The following NUDT1 variants were observed in gnomAD, a reference collection of about 807,000 sequenced individuals.
NUDT1 encodes nudix hydrolase 1, also known as oxidized purine nucleoside triphosphate hydrolase.
In NUDT1, 16 loss-of-function variants were observed where a neutral mutation model predicts 11.3. The observed-to-expected ratio is 1.41, with a 90% CI of 0.96 to 2.15. The LOEUF is 2.15. Ranked by LOEUF, NUDT1 falls within the 30% of genes most tolerant of loss-of-function variation. The pLI is 0.00. For synonymous variants in NUDT1, 101 were observed against 84.4 expected (o/e 1.20, Z -1.08); for missense variants, 234 against 208.4 (o/e 1.12, Z -0.76).
In NUDT1 at chr7:2,242,271, C is replaced by G; in HGVS notation, c.-13+15C>G. On this transcript the variant is annotated intron_variant, in intron 1 of 3. Transcript: ENST00000356714. Reference sequence around the variant, plus strand: ...CGGCGGTGCAGGTACGAAAAGCGCGCGCGGGGATTCCAGGAGTCGTGGTGA... The same window carrying G: ...CGGCGGTGCAGGTACGAAAAGCGCGGGCGGGGATTCCAGGAGTCGTGGTGA... 8.2e-7 allele frequency: 1 copy of G among 1,214,834 alleles called. No individual in the cohort carries two copies. The allele number at this position is 1,214,834 out of a possible 1,614,324, so 75.3% of individuals were successfully genotyped here.
chr7:2,244,382 C>T, intron 1 of NUDT1, 181 bp from the exon 2 acceptor site: 1 of 572,220 alleles, frequency 1.7e-6, no homozygotes, highest in Non-Finnish European at 3.0e-6. Flanking sequence ...CAGAAAATCA[C>T]TGGTTCAATG....
chr7:2,245,133 G>A (rs905930951), intron 2 of NUDT1, among the ~76,000 whole-genome samples: 4 of 152,090 alleles, frequency 2.6e-5, no homozygotes, highest in Non-Finnish European at 4.4e-5. Flanking sequence ...GCTGATGATC[G>A]CTTTCATCTC....
At chr7:2,245,940 G>T (rs530747869) in intron 2 of NUDT1, among the ~76,000 whole-genome samples, 1 of 151,974 alleles carries the variant, frequency 6.6e-6, no homozygotes, top group African/African-American at 2.4e-5. Flanking sequence ...TCCAAGGCTT[G>T]GGACCCCAGA....
intron 1 of NUDT1, 112 bp from the exon 2 acceptor site, chr7:2,244,451 T>TTGC: frequency 3.2e-5 from 31 of 981,606 alleles, no homozygotes; most frequent in Non-Finnish European, 4.1e-5. Flanking sequence ...AGTTACAGCA[T>TTGC]ACCCCCCCGC....
chr7:2,250,535 G>A lies in NUDT1; in HGVS notation c.299-294G>A, dbSNP rs1334115958. 2.0e-5 allele frequency among the ~76,000 whole-genome samples: 3 copies of A among 152,170 alleles called. No individual in the cohort carries two copies. The South Asian group carries it at 6.2e-4, about 31-fold the overall frequency. On this transcript the variant is annotated intron_variant, in intron 3 of 3. Coordinates refer to ENST00000356714, the MANE Select transcript of NUDT1 (RefSeq NM_002452.4). ...GGCAATGGCGCAATCTCGGCTCACT[G>A]CAAGCTCCACCTCCCAGGTTCACAC...
chr7:2,244,712 G>C lies in NUDT1; in HGVS notation c.138G>C (p.Glu46Asp). 6.2e-7 allele frequency: 1 copy of C among 1,611,266 alleles called. No individual in the cohort carries two copies. The highest frequency in any genetic ancestry group is 8.5e-7 in the Non-Finnish European group (1 of 1,179,078). ...GGKVQEGETI[E>D]DGARRELQEE... is the part of the protein sequence containing the mutation. ...AAGTGCAAGAAGGAGAGACCATCGA[G>C]GATGGGGCTAGGAGGTAAGGATGGG... Residue 46 changes from glutamate (E) to aspartate (D), a missense_variant, in exon 2 of 4, where the codon GAG becomes GAC. By Grantham distance (45) the Glu-to-Asp change is conservative (BLOSUM62 2). Coordinates refer to ENST00000356714, the MANE Select transcript of NUDT1 (RefSeq NM_002452.4).
At chr7:2,250,391 G>C (rs1027455708) in intron 3 of NUDT1, among the ~76,000 whole-genome samples, 1 of 152,158 alleles carries the variant, frequency 6.6e-6, no homozygotes, top group Non-Finnish European at 1.5e-5. Context: ...GTTGAGCCCA[G>C]GAGTTCAAGA....
At chr7:2,250,084 ATC>A in intron 3 of NUDT1, 82 bp downstream of exon 3, 3 of 1,568,412 alleles carry the variant, frequency 1.9e-6, no homozygotes, top group Non-Finnish European at 2.6e-6. Context: ...CGCCCAAACC[ATC>A]TCTGAGTGCC....
rs34727517 is a variant in NUDT1 at position 2,244,744 on chromosome 7, C to A, written c.152+18C>A. 3.9e-5 allele frequency: 62 copies of A among 1,599,660 alleles called. No homozygotes were observed. The highest frequency in any genetic ancestry group is 3.2e-4 in the East Asian group (14 of 44,434). On this transcript the variant is annotated intron_variant, in intron 2 of 3. Coordinates refer to ENST00000356714, the MANE Select transcript of NUDT1 (RefSeq NM_002452.4). The stretch of plus-strand genomic sequence containing the variant: ...GCTAGGAGGTAAGGATGGGGCAGGT[C>A]TGGCCATAGAACCGGCTTTCCCAGG...
intron 3 of NUDT1, 119 bp from the exon 4 acceptor site, chr7:2,250,710 G>A (rs1033369728): frequency 6.7e-5 from 52 of 773,596 alleles, no homozygotes; most frequent in South Asian, 4.1e-4. Context: ...CTCCCGCCTC[G>A]GCCTCCCAAA....
In NUDT1 at chr7:2,250,001, C is replaced by T. The variant is rs35932242; in HGVS notation, c.297C>T (p.Asp99=). ...DSIQGTPVES[D]EMRPCWFQLD... is the part of the protein sequence containing the mutation. ...TCCAGGGGACCCCCGTGGAGAGCGA[C>T]GGTGAGTCTCACAGGGCCTGCTCCC... is the stretch of plus-strand genomic sequence containing the variant. The change falls in exon 3 of 4, where the codon GAC becomes GAT. Residue 99 remains aspartate (D), a splice_region_variant and synonymous_variant. Coordinates refer to ENST00000356714, the MANE Select transcript of NUDT1 (RefSeq NM_002452.4). 19,179 of 1,613,928 alleles carry T rather than the reference C, an allele frequency of 0.012. 217 individuals are homozygous for T. Among genetic ancestry groups the T allele is most frequent in the South Asian group, 0.037 (3,384 of 91,078 alleles).
chr7:2,242,235 G>A lies in NUDT1; in HGVS notation c.-34G>A. 2 of 1,480,676 alleles carry A rather than the reference G, an allele frequency of 1.4e-6. No homozygotes were observed. Among genetic ancestry groups the A allele is most frequent in the Non-Finnish European group, 1.8e-6 (2 of 1,113,692 alleles). 91.7% of individuals were successfully genotyped at this position (1,480,676 alleles called of 1,614,324 possible). On this transcript the variant is annotated 5_prime_UTR_variant, in exon 1 of 4. Transcript: ENST00000356714. ...GGCCTCACTTCCGGTCAGAGGCCAC[G>A]CCCCCGGAAGCGGCGGTGCAGGTAC...
At chr7:2,242,302 G>C (rs571695080) in intron 1 of NUDT1, 46 bp downstream of exon 1, 3 of 869,686 alleles carry the variant, frequency 3.4e-6, no homozygotes, top group Non-Finnish European at 5.0e-6. Flanking sequence ...GGTGACCAGG[G>C]AGGGGAGCCG....
Position 2,242,954 on chromosome 7 carries a change from A to G in NUDT1, c.-13+698A>G, listed in dbSNP as rs1381440405. Reference sequence around the variant, plus strand: ...CTTGCCTTGATGTACTGGAGCAATCAGATCACACGGCGGCTTGGAGAGTGA... The same window carrying G: ...CTTGCCTTGATGTACTGGAGCAATCGGATCACACGGCGGCTTGGAGAGTGA... On this transcript the variant is annotated intron_variant, in intron 1 of 3. Coordinates refer to ENST00000356714, the MANE Select transcript of NUDT1 (RefSeq NM_002452.4). 6 of 714,984 alleles carry G rather than the reference A, an allele frequency of 8.4e-6. No homozygotes were observed. The East Asian group carries it at 1.3e-4, about 16-fold the overall frequency. 44.3% of individuals were successfully genotyped at this position (714,984 alleles called of 1,614,324 possible).
intron 1 of NUDT1, among the ~76,000 whole-genome samples, chr7:2,243,535 G>A (rs1794641065): frequency 6.6e-6 from 1 of 152,178 alleles, no homozygotes; most frequent in South Asian, 2.1e-4. Flanking sequence ...CACTTTGGGA[G>A]GCTGAGGTGG....
In NUDT1 at chr7:2,244,701, G is replaced by C. The variant is rs1402901751; in HGVS notation, c.127G>C (p.Glu43Gln). The change falls in exon 2 of 4, where the codon GAG (glutamate) becomes CAG (glutamine). Residue 43 changes from glutamate to glutamine, a missense_variant. Glu to Gln is a conservative substitution (Grantham distance 29, BLOSUM62 2). Coordinates refer to ENST00000356714, the MANE Select transcript of NUDT1 (RefSeq NM_002452.4). The stretch of plus-strand genomic sequence containing the variant: ...CTTTGGGGGCAAAGTGCAAGAAGGA[G>C]AGACCATCGAGGATGGGGCTAGGAG... Reference protein sequence around the residue: ...NGFGGKVQEGETIEDGARREL... With the variant: ...NGFGGKVQEGQTIEDGARREL... 1.2e-6 allele frequency: 2 copies of C among 1,612,308 alleles called. No homozygotes were observed. Among genetic ancestry groups the C allele is most frequent in the South Asian group, 1.1e-5 (1 of 90,718 alleles).
At chr7:2,244,048 C>T (rs35468746) in intron 1 of NUDT1, among the ~76,000 whole-genome samples, 4,285 of 152,298 alleles carry the variant, frequency 0.028, 94 homozygotes, top group Middle Eastern at 0.054. Flanking sequence ...TACAGCCACA[C>T]ATTTCCTGGG....
intron 2 of NUDT1, 24 bp downstream of exon 2, chr7:2,244,750 A>ACC: frequency 6.3e-7 from 1 of 1,595,504 alleles, no homozygotes; most frequent in Non-Finnish European, 8.5e-7. Flanking sequence ...AGGTCTGGCC[A>ACC]TAGAACCGGC....
intron 2 of NUDT1, among the ~76,000 whole-genome samples, chr7:2,245,852 A>G (rs1474831571): frequency 1.3e-5 from 2 of 149,906 alleles, no homozygotes; most frequent in African/African-American, 2.5e-5. Flanking sequence ...TTTTTTTTCA[A>G]TTGCAATCCA....
Sources: allele counts gnomAD v4.1 joint callset (sites outside exome capture counted in the v4.1 genomes callset), GRCh38; gene constraint gnomAD v4.1.1; transcripts MANE v1.5; gene names NCBI Gene and HGNC (gene_info 2026-07-23, HGNC 2026-07-21).